Variants in PTPRN2 observed in about 807,000 individuals in gnomAD.
PTPRN2 encodes the protein receptor-type tyrosine-protein phosphatase N2.
PTPRN2 carries 74 observed loss-of-function variants against 118.8 expected under a neutral mutation model. The ratio of observed to expected loss-of-function variants is 0.62; its 90% CI spans 0.52 to 0.76. The LOEUF is 0.76. Ranked by LOEUF, PTPRN2 falls within the 30% of genes least tolerant of loss-of-function variation. The probability of loss-of-function intolerance (pLI) is 0.00; values close to 1 mark genes in which losing one functional copy is unlikely to be tolerated. For missense variants in PTPRN2, 1,481 were observed against 1,394.4 expected (o/e 1.06, Z -0.99); for synonymous variants, 641 against 608.0 (o/e 1.05, Z -0.80).
At chr7:157,750,993 G>T (rs540709712) in intron 12 of PTPRN2, among the ~76,000 whole-genome samples, 90 of 152,358 alleles carry the variant, frequency 5.9e-4, no homozygotes, top group African/African-American at 2.1e-3. Flanking sequence ...TCTCTAGAAA[G>T]GGCTACTCGA....
chr7:157,606,608 G>C (rs1802016800), intron 15 of PTPRN2, among the ~76,000 whole-genome samples: 1 of 152,254 alleles, frequency 6.6e-6, no homozygotes, highest in South Asian at 2.1e-4. Flanking sequence ...CCAGTGCTTG[G>C]TGGCCGTGGG....
intron 2 of PTPRN2, among the ~76,000 whole-genome samples, chr7:158,447,824 A>G (rs377396174): frequency 3.4e-4 from 52 of 152,362 alleles, no homozygotes; most frequent in African/African-American, 1.1e-3. Context: ...GAGCGGGGGC[A>G]GTGCTGAAGC....
At chr7:158,440,991 A>ATGG (rs1817017546) in intron 2 of PTPRN2, among the ~76,000 whole-genome samples, 2 of 116,594 alleles carry the variant, frequency 1.7e-5, no homozygotes, top group African/African-American at 7.3e-5. Flanking sequence ...GGTGGTGGTG[A>ATGG]TGGCAGTGAT....
At chr7:158,036,196 G>T (rs955427386) in intron 11 of PTPRN2, among the ~76,000 whole-genome samples, 1 of 152,074 alleles carries the variant, frequency 6.6e-6, no homozygotes, top group African/African-American at 2.4e-5. Context: ...AAACTGCAAC[G>T]CACAACAGAA....
intron 2 of PTPRN2, among the ~76,000 whole-genome samples, chr7:158,336,826 C>A (rs1333487818): frequency 1.4e-4 from 14 of 102,398 alleles, no homozygotes; most frequent in African/African-American, 4.0e-4. Context: ...AGAAGTGACA[C>A]CTGCAGACGT....
At chr7:158,407,886 C>CA (rs1431364824) in intron 2 of PTPRN2, among the ~76,000 whole-genome samples, 2 of 152,274 alleles carry the variant, frequency 1.3e-5, no homozygotes, top group Middle Eastern at 3.4e-3. Flanking sequence ...ACAGCAAAAG[C>CA]AAAAAGGCAT....
chr7:158,535,353 A>G (rs571074393), intron 1 of PTPRN2, among the ~76,000 whole-genome samples: 121 of 152,318 alleles, frequency 7.9e-4, no homozygotes, highest in African/African-American at 2.8e-3. Context: ...AGTTTCTTAC[A>G]TGAGCTGAGC....
chr7:158,081,354 A>G lies in PTPRN2; in HGVS notation c.1667T>C (p.Phe556Ser). 6 of 1,614,168 alleles carry G rather than the reference A, an allele frequency of 3.7e-6. No individual in the cohort carries two copies. The highest frequency in any genetic ancestry group is 5.1e-6 in the Non-Finnish European group (6 of 1,180,024). The stretch of plus-strand genomic sequence containing the variant: ...GTTTTGGACATTGGCGCTCACTTTG[A>G]AGGTCACTGCTGGTCCGAGAACCCT... Reference protein sequence around the residue: ...DVEVLGPAVTFKVSANVQNVT... With the variant: ...DVEVLGPAVTSKVSANVQNVT... Residue 556 changes from phenylalanine to serine, a missense_variant, in exon 11 of 23, where the codon TTC (phenylalanine) becomes TCC (serine). Around this residue, in one of 3 missense-constraint regions of PTPRN2, gnomAD observed 1,115 missense variants for 994.2 expected, o/e 1.12. Coordinates refer to ENST00000389418, the MANE Select transcript of PTPRN2 (RefSeq NM_002847.5).
intron 2 of PTPRN2, among the ~76,000 whole-genome samples, chr7:158,343,922 G>A (rs1807284576): frequency 6.6e-6 from 1 of 152,094 alleles, no homozygotes; most frequent in South Asian, 2.1e-4. Context: ...CCAGGCACCA[G>A]GATGAGTTTA....
intron 6 of PTPRN2, among the ~76,000 whole-genome samples, chr7:158,150,228 A>C (rs1820830515): frequency 6.6e-6 from 1 of 152,378 alleles, no homozygotes; most frequent in South Asian, 2.1e-4. Context: ...TGGCCAAGGC[A>C]GAAAAATAGA....
intron 11 of PTPRN2, among the ~76,000 whole-genome samples, chr7:157,994,697 G>A (rs13311254): frequency 3.1e-3 from 276 of 88,798 alleles, no homozygotes; most frequent in African/African-American, 0.012. Context: ...CCAGCTTACA[G>A]CTCCTTGTTC....
At chr7:157,777,338 G>T (rs118110151) in intron 12 of PTPRN2, among the ~76,000 whole-genome samples, 70 of 148,046 alleles carry the variant, frequency 4.7e-4, no homozygotes, top group Non-Finnish European at 8.4e-4. Context: ...CAGAGGACAC[G>T]CAGTGCCCCA....
chr7:157,619,522 G>C lies in PTPRN2; in HGVS notation c.2344+1840C>G, dbSNP rs1439967569. Among the ~76,000 whole-genome samples, 1 of 152,172 alleles carries C rather than the reference G, an allele frequency of 6.6e-6. No individual in the cohort carries two copies. The highest frequency in any genetic ancestry group is 6.5e-5 in the Admixed American group (1 of 15,276). ...CAGGGCCGGTGCTTAGTAAATATCTGTTAGTTGGCTAATGGGATGTATTGT... is the reference window on the plus strand; with the variant it reads ...CAGGGCCGGTGCTTAGTAAATATCTCTTAGTTGGCTAATGGGATGTATTGT... On this transcript the variant is annotated intron_variant, in intron 15 of 22. Coordinates refer to ENST00000389418, the MANE Select transcript of PTPRN2 (RefSeq NM_002847.5). This position sits in a 1 kb window ranked among gnomAD's most constrained non-coding sequence, Gnocchi z 5.3.
At chr7:157,758,096 T>A (rs548138447) in intron 12 of PTPRN2, among the ~76,000 whole-genome samples, 1 of 152,266 alleles carries the variant, frequency 6.6e-6, no homozygotes, top group South Asian at 2.1e-4. Flanking sequence ...ACGCGCGGGA[T>A]TGACGGAGCG....
chr7:158,043,999 A>T (rs1346751662), intron 11 of PTPRN2, among the ~76,000 whole-genome samples: 1 of 152,240 alleles, frequency 6.6e-6, no homozygotes, highest in Non-Finnish European at 1.5e-5. Flanking sequence ...GAAAGGCCAC[A>T]CGCCGAGGCT....
At chr7:158,412,491 A>G (rs1239140360) in intron 2 of PTPRN2, among the ~76,000 whole-genome samples, 2 of 50,798 alleles carry the variant, frequency 3.9e-5, no homozygotes, top group East Asian at 5.9e-4. Context: ...CCATCTCAGC[A>G]CCCTCCTCAG....
At chr7:157,920,445 A>T (rs994231063) in intron 11 of PTPRN2, among the ~76,000 whole-genome samples, 1 of 152,142 alleles carries the variant, frequency 6.6e-6, no homozygotes, top group African/African-American at 2.4e-5. Flanking sequence ...GGGTCTGAGG[A>T]TACAGCAAAG....
intron 3 of PTPRN2, among the ~76,000 whole-genome samples, chr7:158,303,402 G>A (rs758265864): frequency 2.6e-5 from 4 of 152,162 alleles, no homozygotes; most frequent in Non-Finnish European, 5.9e-5. Flanking sequence ...CAAAAGGAAA[G>A]CACCAGTAGA....
At chr7:158,356,281 T>C (rs2151278044) in intron 2 of PTPRN2, among the ~76,000 whole-genome samples, 1 of 152,310 alleles carries the variant, frequency 6.6e-6, no homozygotes, top group African/African-American at 2.4e-5. Context: ...ACCTACTACA[T>C]GCATTTTTTA....
Sources: allele counts gnomAD v4.1 joint callset (sites outside exome capture counted in the v4.1 genomes callset), GRCh38; gene constraint gnomAD v4.1.1; regional missense constraint gnomAD v4.1.1; non-coding constraint Gnocchi (gnomAD v3.1); transcripts MANE v1.5; gene names NCBI Gene and HGNC (gene_info 2026-07-23, HGNC 2026-07-21).